TRIM67: variants seen among roughly 807,000 people sequenced by gnomAD.
The protein encoded by TRIM67 is tripartite motif-containing protein 67.
Under a neutral mutation model 71.0 loss-of-function variants are expected in TRIM67, and 39 were observed. The ratio of observed to expected loss-of-function variants is 0.55; its 90% CI spans 0.43 to 0.72. The LOEUF (loss-of-function observed/expected upper bound fraction) is 0.72, where lower values mean the gene tolerates loss of function less well. Among genes scored for constraint, TRIM67 ranks in the 30% least tolerant of loss-of-function variants. The pLI is 0.00. For synonymous variants in TRIM67, 481 were observed against 473.9 expected (o/e 1.01, Z -0.19); for missense variants, 973 against 1,079.2 (o/e 0.90, Z 1.38).
chr1:231,176,911 A>AAAAAAAAAAAAAAAAC (rs1682765013), intron 1 of TRIM67, among the ~76,000 whole-genome samples: 2 of 151,204 alleles, frequency 1.3e-5, no homozygotes, highest in South Asian at 4.2e-4. Context: ...TCTGGCAAAA[A>AAAAAAAAAAAAAAAAC]AAAAAAAAAA....
At chr1:231,174,463 G>A (rs1682694558) in intron 1 of TRIM67, among the ~76,000 whole-genome samples, 1 of 151,968 alleles carries the variant, frequency 6.6e-6, no homozygotes, top group Non-Finnish European at 1.5e-5. Context: ...ACCATGTCCA[G>A]CCTTTTATTT....
At position 231,220,860 on chromosome 1, in the gene TRIM67, G is replaced by C. The variant is rs1684124338; in HGVS notation, c.*5420G>C. 6.6e-6 allele frequency: 1 copy of C among 152,378 alleles called. No homozygotes were observed. The allele number at this position is 152,378 out of a possible 1,614,324, so 9.4% of individuals were successfully genotyped here. A position where few individuals can be genotyped will look rare whatever the true frequency, so the allele number is the denominator to read the frequency against. On this transcript the variant is annotated 3_prime_UTR_variant, in exon 10 of 10. Transcript: ENST00000366653. ...CGGTGATGCGGGCACTGCAGACCAG[G>C]CCAGGCCCTCGGGTAAAGCTCTGAG... is the stretch of plus-strand genomic sequence containing the variant.
intron 5 of TRIM67, among the ~76,000 whole-genome samples, chr1:231,202,928 G>C (rs1177981392): frequency 6.6e-6 from 1 of 152,094 alleles, no homozygotes; most frequent in Non-Finnish European, 1.5e-5. Context: ...CACTGGACTG[G>C]TCAGGGGTAA....
At chr1:231,204,901 A>G (rs1304176879) in intron 6 of TRIM67, among the ~76,000 whole-genome samples, 3 of 152,208 alleles carry the variant, frequency 2.0e-5, no homozygotes, top group Admixed American at 2.0e-4. Context: ...TGTAAGAATT[A>G]TGGAAATAAT....
In TRIM67 at chr1:231,217,699, C is replaced by A; in HGVS notation, c.*2259C>A. ...GCCCTGGGGAAGGCTGTGGAGCCTC[C>A]ACCATCACCACAGCCCAGGTCACCA... is the stretch of plus-strand genomic sequence containing the variant. On this transcript the variant is annotated 3_prime_UTR_variant, in exon 10 of 10. Coordinates refer to ENST00000366653, the MANE Select transcript of TRIM67 (RefSeq NM_001004342.5). The A allele has an allele frequency of 2.5e-6, 3 of 1,204,414 alleles. No homozygotes were observed. Among genetic ancestry groups the A allele is most frequent in the Non-Finnish European group, 3.2e-6 (3 of 946,450 alleles). 74.6% of individuals were successfully genotyped at this position (1,204,414 alleles called of 1,614,324 possible).
At chr1:231,195,159 C>T (rs1232453905) in intron 1 of TRIM67, among the ~76,000 whole-genome samples, 2 of 152,184 alleles carry the variant, frequency 1.3e-5, no homozygotes, top group Non-Finnish European at 2.9e-5. Context: ...CCATGAATCA[C>T]GAGGCCTTTC....
chr1:231,182,028 G>T (rs913547376), intron 1 of TRIM67, among the ~76,000 whole-genome samples: 1 of 152,180 alleles, frequency 6.6e-6, no homozygotes, highest in Admixed American at 6.5e-5. Flanking sequence ...ACAAATGAGG[G>T]CCTTGCTCTA....
chr1:231,208,421 G>A (rs188810795), intron 7 of TRIM67, among the ~76,000 whole-genome samples: 4 of 151,948 alleles, frequency 2.6e-5, no homozygotes, highest in East Asian at 3.9e-4. Context: ...TGATCCTCCC[G>A]CCTCGGCCTC....
intron 5 of TRIM67, among the ~76,000 whole-genome samples, chr1:231,202,310 CAGG>C (rs1396939724): frequency 1.8e-5 from 1 of 55,368 alleles, no homozygotes; most frequent in East Asian, 5.9e-4. Flanking sequence ...GGTGGTGGTG[CAGG>C]AGGAGGAGGA....
intron 1 of TRIM67, among the ~76,000 whole-genome samples, chr1:231,173,169 A>T (rs899447671): frequency 4.6e-5 from 7 of 152,238 alleles, no homozygotes; most frequent in Admixed American, 1.3e-4. Context: ...TCACAAGAGA[A>T]AGAAAATTGA....
chr1:231,214,020 A>C, intron 9 of TRIM67, 43 bp downstream of exon 9: 1 of 1,555,974 alleles, frequency 6.4e-7, no homozygotes, highest in Non-Finnish European at 8.7e-7. Context: ...GCTGCTCCCA[A>C]CTGTTTGCCA....
intron 1 of TRIM67, among the ~76,000 whole-genome samples, chr1:231,193,143 C>A (rs10864673): frequency 0.25 from 37,930 of 152,126 alleles, 6,343 homozygotes; most frequent in African/African-American, 0.47. Context: ...AGGTGCTAGC[C>A]GCAGTGATGA....
At position 231,218,446 on chromosome 1, in the gene TRIM67, T is replaced by C. The variant is rs555898225; in HGVS notation, c.*3006T>C. 3.2e-5 allele frequency: 32 copies of C among 985,614 alleles called. No homozygotes were observed. The highest frequency in any genetic ancestry group is 5.2e-4 in the Middle Eastern group (1 of 1,914). 61.1% of individuals were successfully genotyped at this position (985,614 alleles called of 1,614,324 possible). A position where few individuals can be genotyped will look rare whatever the true frequency, so the allele number is the denominator to read the frequency against. ...ATGTGGTTCTGCAGTTGTTCTTTGC[T>C]AGTGAGCAAGCTTGGTCAAAGTGTA... On this transcript the variant is annotated 3_prime_UTR_variant, in exon 10 of 10. Coordinates refer to ENST00000366653, the MANE Select transcript of TRIM67 (RefSeq NM_001004342.5).
intron 1 of TRIM67, chr1:231,187,603 A>C (rs1386494463): frequency 3.3e-6 from 5 of 1,505,722 alleles, no homozygotes; most frequent in Non-Finnish European, 4.4e-6. Context: ...ATGGTGTGAA[A>C]CTCTCAGTGA....
chr1:231,185,040 G>C lies in TRIM67; in HGVS notation c.1045-12331G>C, dbSNP rs901095978. The C allele has an allele frequency of 7.8e-6, 12 of 1,532,890 alleles. 1 individual carries two copies. In the African/African-American group the frequency reaches 9.6e-5, roughly 12 times the overall value. The allele number at this position is 1,532,890 out of a possible 1,614,324, so 95.0% of individuals were successfully genotyped here. A position where few individuals can be genotyped will look rare whatever the true frequency, so the allele number is the denominator to read the frequency against. On this transcript the variant is annotated intron_variant, in intron 1 of 9. Coordinates refer to ENST00000366653, the MANE Select transcript of TRIM67 (RefSeq NM_001004342.5). ...CAGCTTATTCTGCTTGCAGGGCCTA[G>C]GCTAGTGTGGAGCTGAGCTGGTGCC...
chr1:231,207,197 G>A (rs1195874611), intron 7 of TRIM67, among the ~76,000 whole-genome samples: 6 of 152,224 alleles, frequency 3.9e-5, no homozygotes, highest in African/African-American at 1.4e-4. Context: ...AGCTAAGGGA[G>A]GCTAAACTTC....
Position 231,213,845 on chromosome 1 carries a change from C to T in TRIM67, c.2154C>T (p.Thr718=), listed in dbSNP as rs200465476. 1.2e-5 allele frequency: 19 copies of T among 1,609,758 alleles called. No individual in the cohort carries two copies. Among genetic ancestry groups the T allele is most frequent in the Middle Eastern group, 3.3e-4 (2 of 6,066 alleles). The change falls in exon 9 of 10, where the codon ACC becomes ACT. Residue 718 remains threonine, a synonymous_variant. Coordinates refer to ENST00000366653, the MANE Select transcript of TRIM67 (RefSeq NM_001004342.5). ...RTEGGVCKGA[T]VGVLLDLNKH... ...AAGGTGGCGTGTGCAAGGGGGCCACCGTGGGCGTGCTGCTGGACCTGAATA... is the reference window on the plus strand; with the variant it reads ...AAGGTGGCGTGTGCAAGGGGGCCACTGTGGGCGTGCTGCTGGACCTGAATA...
At position 231,219,641 on chromosome 1, in the gene TRIM67, T is replaced by C. The variant is rs1684094413; in HGVS notation, c.*4201T>C. 6 of 1,150,454 alleles carry C rather than the reference T, an allele frequency of 5.2e-6. No individual in the cohort carries two copies. Among genetic ancestry groups the C allele is most frequent in the Non-Finnish European group, 6.5e-6 (6 of 924,020 alleles). The allele number at this position is 1,150,454 out of a possible 1,614,324, so 71.3% of individuals were successfully genotyped here. A position where few individuals can be genotyped will look rare whatever the true frequency, so the allele number is the denominator to read the frequency against. ...CAAAACTCGTTACCTTTGTTTTCCT[T>C]GGCCACATTTTACTGGAAGCAACAG... is the stretch of plus-strand genomic sequence containing the variant. On this transcript the variant is annotated 3_prime_UTR_variant, in exon 10 of 10. Transcript: ENST00000366653.
rs760413176 is a variant in TRIM67, at chr1:231,213,971, C to T, written c.2280C>T (p.Asn760=). The T allele has an allele frequency of 9.9e-6, 16 of 1,609,784 alleles. No homozygotes were observed. In the Admixed American group the frequency reaches 1.2e-4, roughly 12 times the overall value. ...TGCCAGCCCTCAGCCTCAACCGCAA[C>T]GTGCAGGTACACACCTCCCCAGGGC... is the stretch of plus-strand genomic sequence containing the variant. ...VFMPALSLNR[N]VQVTLHTGLE... The change falls in exon 9 of 10, where the codon AAC becomes AAT. Residue 760 remains asparagine, a synonymous_variant. Transcript: ENST00000366653.
Sources: gnomAD v4.1 joint callset for allele counts (sites outside exome capture counted in the v4.1 genomes callset) on GRCh38, gnomAD v4.1.1 for gene constraint, MANE v1.5 for transcripts, NCBI Gene and HGNC (gene_info 2026-07-23, HGNC 2026-07-21) for gene names.